The following COL18A1 variants were observed in gnomAD, a reference collection of about 807,000 sequenced individuals.
COL18A1 encodes collagen alpha-1(XVIII) chain.
Under a neutral mutation model 168.0 loss-of-function variants are expected in COL18A1, and 133 were observed. The ratio of observed to expected loss-of-function variants is 0.79; its 90% CI spans 0.69 to 0.91. COL18A1 has a LOEUF of 0.91. Among genes scored for constraint, COL18A1 ranks in the 40% least tolerant of loss-of-function variants. The pLI, the probability that COL18A1 is intolerant of heterozygous loss-of-function variation, is 0.00. For synonymous variants in COL18A1, 949 were observed against 809.0 expected (o/e 1.17, Z -2.94); for missense variants, 2,126 against 1,925.4 (o/e 1.10, Z -1.95).
intron 17 of COL18A1, 139 bp downstream of exon 17, chr21:45,487,648 G>A: frequency 9.0e-7 from 1 of 1,116,670 alleles, no homozygotes; most frequent in East Asian, 2.4e-5. Context: ...CGTGTGGCGG[G>A]CGCTGTGCCC....
At chr21:45,487,646 G>A (rs747671114) in intron 17 of COL18A1, 137 bp downstream of exon 17, 9 of 1,146,788 alleles carry the variant, frequency 7.8e-6, no homozygotes, top group East Asian at 2.3e-5. Context: ...CACGTGTGGC[G>A]GGCGCTGTGC....
At chr21:45,405,680 G>C (rs2033075960) in intron 2 of COL18A1, among the ~76,000 whole-genome samples, 3 of 151,068 alleles carry the variant, frequency 2.0e-5, no homozygotes, top group South Asian at 4.1e-4. Flanking sequence ...CGCGGGGTCC[G>C]GGCCGGGAGG....
rs1425701478 is a variant in COL18A1, at chr21:45,468,449, C to T, written c.314C>T (p.Pro105Leu). The T allele has an allele frequency of 6.2e-7, 1 of 1,613,994 alleles. No homozygotes were observed. Among genetic ancestry groups the T allele is most frequent in the African/African-American group, 1.3e-5 (1 of 74,964 alleles). ...CACATCCGGCCAGCCACAGAGGGCC[C>T]AGGGGTGCTGTTCGCCATCACGGAC... ...LFHIRPATEGPGVLFAITDSA... is the reference protein window; with the variant it reads ...LFHIRPATEGLGVLFAITDSA... The change falls in exon 3 of 42, where the codon CCA (proline) becomes CTA (leucine). Residue 105 changes from proline (P) to leucine (L), a missense_variant. Coordinates refer to ENST00000651438, the MANE Select transcript of COL18A1 (RefSeq NM_001379500.1).
In COL18A1 at chr21:45,509,744, C is replaced by T. The variant is rs1254218018; in HGVS notation, c.3495+143C>T. On this transcript the variant is annotated intron_variant, in intron 39 of 41. Coordinates refer to ENST00000651438, the MANE Select transcript of COL18A1 (RefSeq NM_001379500.1). ...TCTGGCGGCTCAGGGCCACTCAGGGCGGCTTGGCTGGCCCTGGGACTTGCC... is the reference window on the plus strand; with the variant it reads ...TCTGGCGGCTCAGGGCCACTCAGGGTGGCTTGGCTGGCCCTGGGACTTGCC... 1.8e-4 allele frequency: 125 copies of T among 705,388 alleles called. 1 individual carries two copies. Among genetic ancestry groups the T allele is most frequent in the South Asian group, 1.2e-3 (79 of 66,778 alleles). 43.7% of individuals were successfully genotyped at this position (705,388 alleles called of 1,614,324 possible). A position where few individuals can be genotyped will look rare whatever the true frequency, so the allele number is the denominator to read the frequency against.
At position 45,425,023 on chromosome 21, in the gene COL18A1, C is replaced by T. The variant is rs558757711; in HGVS notation, c.106+19550C>T. On this transcript the variant is annotated intron_variant, in intron 2 of 41. Transcript: ENST00000651438. The surrounding 1 kb of genome is among the most constrained non-coding windows in gnomAD (Gnocchi z 4.1). ...CGCACCTGAAAATTTCCTCTGTAGCCATTCGCAGGAGGTTTCTCAGATGCC... is the reference window on the plus strand; with the variant it reads ...CGCACCTGAAAATTTCCTCTGTAGCTATTCGCAGGAGGTTTCTCAGATGCC... The T allele has an allele frequency of 9.2e-5, 14 of 152,410 alleles. No homozygotes were observed. In the East Asian group the frequency reaches 2.7e-3, roughly 29 times the overall value. 9.4% of individuals were successfully genotyped at this position (152,410 alleles called of 1,614,324 possible). A position where few individuals can be genotyped will look rare whatever the true frequency, so the allele number is the denominator to read the frequency against.
At chr21:45,508,509 A>G (rs1480814386) in intron 38 of COL18A1, among the ~76,000 whole-genome samples, 38 of 142,988 alleles carry the variant, frequency 2.7e-4, no homozygotes, top group East Asian at 1.2e-3. Context: ...ATGGTGGGTA[A>G]GTGGGTTAGT....
rs2035531707 is a variant in COL18A1, at chr21:45,473,759, G to A, written c.652-136G>A. The A allele has an allele frequency of 2.7e-6, 2 of 750,318 alleles. No individual in the cohort carries two copies. The highest frequency in any genetic ancestry group is 1.5e-5 in the South Asian group (1 of 67,348). 46.5% of individuals were successfully genotyped at this position (750,318 alleles called of 1,614,324 possible). A position where few individuals can be genotyped will look rare whatever the true frequency, so the allele number is the denominator to read the frequency against. On this transcript the variant is annotated intron_variant, in intron 3 of 41. Coordinates refer to ENST00000651438, the MANE Select transcript of COL18A1 (RefSeq NM_001379500.1). This position sits in a 1 kb window ranked among gnomAD's most constrained non-coding sequence, Gnocchi z 4.0. ...ATGAGGCATACCGCACCCCCAGGGAGGCTGCCCGAGACCCCTTCCCTCTCC... is the reference window on the plus strand; with the variant it reads ...ATGAGGCATACCGCACCCCCAGGGAAGCTGCCCGAGACCCCTTCCCTCTCC...
At chr21:45,493,644 G>A (rs1333570299) in intron 26 of COL18A1, 69 bp downstream of exon 26, 17 of 1,213,004 alleles carry the variant, frequency 1.4e-5, no homozygotes, top group South Asian at 1.2e-4. Flanking sequence ...GCCTGGGGAG[G>A]GTCTTCCTGA....
At chr21:45,484,488 GCA>G (rs757634976) in intron 15 of COL18A1, among the ~76,000 whole-genome samples, 98 of 145,322 alleles carry the variant, frequency 6.7e-4, no homozygotes, top group African/African-American at 2.4e-3. Flanking sequence ...CAGCATATGT[GCA>G]CACACACACA....
chr21:45,405,910 T>C (rs1033224976), intron 2 of COL18A1, among the ~76,000 whole-genome samples: 2 of 151,528 alleles, frequency 1.3e-5, no homozygotes, highest in Non-Finnish European at 2.9e-5. Context: ...TCCAACCTGT[T>C]GAGGCTCCTC....
chr21:45,467,064 C>A (rs535081495), intron 2 of COL18A1, among the ~76,000 whole-genome samples: 107 of 152,380 alleles, frequency 7.0e-4, no homozygotes, highest in African/African-American at 2.4e-3. Context: ...CCCCAGAGCC[C>A]AGGCTCAGCC....
intron 2 of COL18A1, among the ~76,000 whole-genome samples, chr21:45,441,746 C>T (rs1409313868): frequency 6.6e-6 from 1 of 152,268 alleles, no homozygotes; most frequent in Non-Finnish European, 1.5e-5. Flanking sequence ...CGGGTCAGCT[C>T]TCACCTGTCC....
intron 4 of COL18A1, among the ~76,000 whole-genome samples, 180 bp from the exon 5 acceptor site, chr21:45,475,296 G>C (rs2035607691): frequency 2.0e-5 from 3 of 152,236 alleles, no homozygotes; most frequent in Admixed American, 2.0e-4. Flanking sequence ...GATGGTGCCT[G>C]GGCAGGGAAG....
At chr21:45,456,868 TGGGCC>T in intron 2 of COL18A1, 1 of 1,448,866 alleles carries the variant, frequency 6.9e-7, no homozygotes, top group South Asian at 1.4e-5. Flanking sequence ...GTGTGCTCAT[TGGGCC>T]GGCTGCAGGT....
rs1215645835 is a variant in COL18A1 at position 45,494,631 on chromosome 21, G to A, written c.2379+60G>A. Reference sequence around the variant, plus strand: ...CGGGCATGACGGCCCCCAAGGACACGGTCGCCCGCGGCTGCTGAGCTTGTG... The same window carrying A: ...CGGGCATGACGGCCCCCAAGGACACAGTCGCCCGCGGCTGCTGAGCTTGTG... On this transcript the variant is annotated intron_variant, in intron 27 of 41. Transcript: ENST00000651438. 23 of 1,608,348 alleles carry A rather than the reference G, an allele frequency of 1.4e-5. 1 individual carries two copies. The highest frequency in any genetic ancestry group is 3.3e-5 in the South Asian group (3 of 91,000).
chr21:45,504,446 C>T lies in COL18A1; in HGVS notation c.2758C>T (p.Gln920Ter), dbSNP rs1326920691. The change falls in exon 34 of 42, where the codon CAG (glutamine) becomes TAG (stop). Residue 920 changes from glutamine (Q) to a stop codon, truncating the protein, a stop_gained. Coordinates refer to ENST00000651438, the MANE Select transcript of COL18A1 (RefSeq NM_001379500.1). LOFTEE classifies it high-confidence loss of function. ...GAAGGGAGACCGAGGTGATGCAGGA[C>T]AGAAAGGCGAAAGGGGGGAGCCCGG... ...GEKGDRGDAGQKGERGEPGGG... is the reference protein window; with the variant it reads ...GEKGDRGDAG 6.2e-7 allele frequency: 1 copy of T among 1,611,568 alleles called. No individual in the cohort carries two copies. The highest frequency in any genetic ancestry group is 8.5e-7 in the Non-Finnish European group (1 of 1,179,330).
intron 2 of COL18A1, among the ~76,000 whole-genome samples, chr21:45,454,520 CGTGT>C (rs1569297903): frequency 6.6e-6 from 1 of 152,156 alleles, no homozygotes; most frequent in East Asian, 1.9e-4. Context: ...CATGTGTGAA[CGTGT>C]GTGTGAGTGA....
chr21:45,474,306 C>T (rs1334887367), intron 4 of COL18A1, among the ~76,000 whole-genome samples: 1 of 148,510 alleles, frequency 6.7e-6, no homozygotes, highest in Non-Finnish European at 1.5e-5. Flanking sequence ...TGTGGTGTGT[C>T]TCTGTGGTGT....
At chr21:45,415,130 T>C (rs769379257) in intron 2 of COL18A1, among the ~76,000 whole-genome samples, 1 of 152,064 alleles carries the variant, frequency 6.6e-6, no homozygotes, top group Non-Finnish European at 1.5e-5. Context: ...GAGGTGACAG[T>C]GCGGCGTGGT....
Sources: gnomAD v4.1 joint callset for allele counts (sites outside exome capture counted in the v4.1 genomes callset) on GRCh38, gnomAD v4.1.1 for gene constraint, Gnocchi (gnomAD v3.1) non-coding constraint, MANE v1.5 for transcripts, NCBI Gene and HGNC (gene_info 2026-07-23, HGNC 2026-07-21) for gene names.